The following BTBD7 variants were observed in gnomAD, a reference collection of about 807,000 sequenced individuals.
BTBD7 encodes BTB domain containing 7, also known as BTB/POZ domain-containing protein 7.
Under a neutral mutation model 99.9 loss-of-function variants are expected in BTBD7, and 38 were observed. The ratio of observed to expected loss-of-function variants is 0.38; its 90% CI spans 0.29 to 0.50. BTBD7 has a LOEUF of 0.50. BTBD7 is among the 20% of genes least tolerant of loss of function. BTBD7 has a pLI of 0.93. For missense variants in BTBD7, 1,170 were observed against 1,394.6 expected (o/e 0.84, Z 2.57); for synonymous variants, 520 against 511.4 (o/e 1.02, Z -0.23).
chr14:93,252,828 G>GT (rs370701439), intron 7 of BTBD7, among the ~76,000 whole-genome samples: 2,660 of 146,708 alleles, frequency 0.018, 84 homozygotes, highest in African/African-American at 0.063. Flanking sequence ...TTTGTTTTTT[G>GT]TTTTTTTTTT....
intron 1 of BTBD7, among the ~76,000 whole-genome samples, chr14:93,302,126 A>G (rs1363907623): frequency 6.6e-6 from 1 of 152,220 alleles, no homozygotes; most frequent in Non-Finnish European, 1.5e-5. Context: ...TCAGTTGTTC[A>G]GCATTCCTTC....
chr14:93,257,645 C>T (rs776241824), intron 5 of BTBD7, among the ~76,000 whole-genome samples: 1 of 152,180 alleles, frequency 6.6e-6, no homozygotes, highest in Non-Finnish European at 1.5e-5. Context: ...AGATGACAAT[C>T]TACTAAAATC....
chr14:93,270,172 T>C (rs2052585832), intron 3 of BTBD7, among the ~76,000 whole-genome samples: 1 of 152,158 alleles, frequency 6.6e-6, no homozygotes, highest in Admixed American at 6.5e-5. Context: ...CTCAGCTCAC[T>C]GCAACCTCAG....
intron 1 of BTBD7, 49 bp from the exon 2 acceptor site, chr14:93,296,206 A>C: frequency 8.0e-7 from 1 of 1,244,100 alleles, no homozygotes; most frequent in Non-Finnish European, 1.0e-6. Context: ...AGTGTATCTC[A>C]GATCACAGTT....
chr14:93,271,932 G>T (rs1265744844), intron 3 of BTBD7, among the ~76,000 whole-genome samples: 2 of 152,196 alleles, frequency 1.3e-5, no homozygotes, highest in Non-Finnish European at 2.9e-5. Flanking sequence ...CTTGAACCTG[G>T]GAGGTAGAGG....
Position 93,332,816 on chromosome 14 carries a change from T to C in BTBD7, c.-107+4A>G. On this transcript the variant is annotated splice_donor_region_variant and intron_variant, in intron 1 of 10. Transcript: ENST00000334746. The stretch of plus-strand genomic sequence containing the variant: ...CAGCCTCAGAGACACCAAGGGACAC[T>C]CACCCCGGAGGCTCCTCCCGCCGCT... 6.8e-7 allele frequency: 1 copy of C among 1,475,312 alleles called. No individual in the cohort carries two copies. Among genetic ancestry groups the C allele is most frequent in the Non-Finnish European group, 8.9e-7 (1 of 1,119,760 alleles). The allele number at this position is 1,475,312 out of a possible 1,614,324, so 91.4% of individuals were successfully genotyped here.
At chr14:93,245,141 T>A (rs1412794702) in intron 10 of BTBD7, among the ~76,000 whole-genome samples, 1 of 145,928 alleles carries the variant, frequency 6.9e-6, no homozygotes, top group African/African-American at 2.6e-5. Context: ...GGATTACAGG[T>A]GTGAGTCATG....
At position 93,241,723 on chromosome 14, in the gene BTBD7, G is replaced by A. The variant is rs112508289; in HGVS notation, c.*550C>T. ...CATTAGATTTATGGAGGCTGAGCGG[G>A]AAGATCTCTGAACTAAAACAATTAC... On this transcript the variant is annotated 3_prime_UTR_variant, in exon 11 of 11. Coordinates refer to ENST00000334746, the MANE Select transcript of BTBD7 (RefSeq NM_001002860.4). The A allele has an allele frequency of 4.6e-5, 7 of 153,246 alleles. No individual in the cohort carries two copies. The highest frequency in any genetic ancestry group is 1.7e-4 in the African/African-American group (7 of 41,432). The allele number at this position is 153,246 out of a possible 1,614,324, so 9.5% of individuals were successfully genotyped here.
rs148868703 is a variant in BTBD7, at chr14:93,254,684, T to G, written c.1609-894A>C. 9.2e-5 allele frequency among the ~76,000 whole-genome samples: 14 copies of G among 152,340 alleles called. No individual in the cohort carries two copies. In the East Asian group the frequency reaches 2.7e-3, roughly 29 times the overall value. ...AGCTAACTGAATGAGGTATCCCTGT[T>G]GTTTCCTGACTGATGCCAGGAGAAT... is the stretch of plus-strand genomic sequence containing the variant. On this transcript the variant is annotated intron_variant, in intron 6 of 10. Coordinates refer to ENST00000334746, the MANE Select transcript of BTBD7 (RefSeq NM_001002860.4).
In BTBD7 at chr14:93,242,870, G is replaced by A; in HGVS notation, c.2802C>T (p.Asp934=). ...GATATTCCTGTGGATTTTCTCTGGT[G>A]TCTGTTTTTTGCTCTAGTGTGTGTT... ...RKKHTLEQKT[D]TRENPQEYPD... Residue 934 remains aspartate, a synonymous_variant, in exon 11 of 11, where the codon GAC becomes GAT. Transcript: ENST00000334746. 6.2e-7 allele frequency: 1 copy of A among 1,614,154 alleles called. No individual in the cohort carries two copies. The highest frequency in any genetic ancestry group is 1.3e-5 in the African/African-American group (1 of 75,032).
chr14:93,264,972 C>G (rs1053627554), intron 3 of BTBD7, among the ~76,000 whole-genome samples: 3 of 152,072 alleles, frequency 2.0e-5, no homozygotes, highest in African/African-American at 7.2e-5. Flanking sequence ...TCCTGTAATC[C>G]CAGCTACTCG....
chr14:93,266,724 G>T (rs1301489355), intron 3 of BTBD7, among the ~76,000 whole-genome samples: 1 of 152,176 alleles, frequency 6.6e-6, no homozygotes, highest in Non-Finnish European at 1.5e-5. Context: ...AGACATCCAA[G>T]CTGATTTCAT....
intron 3 of BTBD7, among the ~76,000 whole-genome samples, chr14:93,265,082 C>T (rs372320910): frequency 6.6e-6 from 1 of 152,096 alleles, no homozygotes; most frequent in African/African-American, 2.4e-5. Context: ...GCCTGGGCGA[C>T]AAAGCAAGAC....
intron 1 of BTBD7, among the ~76,000 whole-genome samples, chr14:93,309,823 C>A (rs1282220421): frequency 6.6e-6 from 1 of 152,138 alleles, no homozygotes; most frequent in South Asian, 2.1e-4. Flanking sequence ...CTTCCTATTA[C>A]TTGTTTTTCC....
chr14:93,322,771 T>C lies in BTBD7; in HGVS notation c.-107+10049A>G, dbSNP rs552672672. Among the ~76,000 whole-genome samples the C allele has an allele frequency of 6.6e-5, 10 of 152,286 alleles. No individual in the cohort carries two copies. The East Asian group carries it at 1.9e-3, about 29-fold the overall frequency. On this transcript the variant is annotated intron_variant, in intron 1 of 10. Transcript: ENST00000334746. ...CCTTTCAGAATCATCCAATACACAG[T>C]ATCATATATTTTTAAAGGTATACTC...
intron 1 of BTBD7, among the ~76,000 whole-genome samples, chr14:93,313,495 T>G (rs2053161961): frequency 6.6e-6 from 1 of 152,150 alleles, no homozygotes; most frequent in South Asian, 2.1e-4. Context: ...TTTTCCCCAT[T>G]AAAAATGCAT....
intron 1 of BTBD7, among the ~76,000 whole-genome samples, chr14:93,309,266 G>A (rs1407437917): frequency 3.9e-5 from 6 of 152,090 alleles, no homozygotes; most frequent in Non-Finnish European, 7.4e-5. Context: ...GGAAATCAAA[G>A]TAGAGACTTT....
Position 93,284,944 on chromosome 14 carries a change from T to C in BTBD7, c.1162+8914A>G, listed in dbSNP as rs557480935. On this transcript the variant is annotated intron_variant, in intron 3 of 10. Transcript: ENST00000334746. The stretch of plus-strand genomic sequence containing the variant: ...AACAAAAGATGCAATATTATATATA[T>C]AAACTTTTTATGTTTTATATATAAA... Among the ~76,000 whole-genome samples the C allele has an allele frequency of 1.8e-4, 27 of 152,042 alleles. No individual in the cohort carries two copies. In the South Asian group the frequency reaches 5.6e-3, roughly 32 times the overall value.
At chr14:93,257,106 A>G in intron 6 of BTBD7, 89 bp downstream of exon 6, 3 of 1,313,054 alleles carry the variant, frequency 2.3e-6, no homozygotes, top group Non-Finnish European at 3.2e-6. Context: ...ACAATACTCT[A>G]TTAGTAGCAG....
Sources: allele counts gnomAD v4.1 joint callset (sites outside exome capture counted in the v4.1 genomes callset), GRCh38; gene constraint gnomAD v4.1.1; transcripts MANE v1.5; gene names NCBI Gene and HGNC (gene_info 2026-07-23, HGNC 2026-07-21).